Variants in TADA2A observed in about 807,000 individuals in gnomAD.
The protein encoded by TADA2A is transcriptional adapter 2-alpha.
Under a neutral mutation model 67.4 loss-of-function variants are expected in TADA2A, and 38 were observed. The ratio of observed to expected loss-of-function variants is 0.56; its 90% confidence interval spans 0.44 to 0.74. TADA2A has a LOEUF of 0.74. Among genes scored for constraint, TADA2A ranks in the 30% least tolerant of loss-of-function variants. TADA2A has a pLI of 0.00. For synonymous variants in TADA2A, 192 were observed against 181.6 expected, an observed-to-expected ratio of 1.06 and a Z score of -0.46; for missense variants, 454 against 547.0, an observed-to-expected ratio of 0.83 and a Z score of 1.70.
At chr17:37,437,666 C>A in intron 4 of TADA2A, 72 bp from the exon 5 acceptor site, 2 of 1,364,258 alleles carry the variant, frequency 1.5e-6, no homozygotes, top group Admixed American at 1.7e-5. Flanking sequence ...GGAGTATAGG[C>A]GTGAGCCACC....
intron 4 of TADA2A, among the ~76,000 whole-genome samples, chr17:37,429,811 A>G (rs2052519710): frequency 6.7e-6 from 1 of 149,908 alleles, no homozygotes; most frequent in Admixed American, 6.8e-5. Flanking sequence ...TCCTCTATCC[A>G]TCTCTAAACA....
intron 2 of TADA2A, among the ~76,000 whole-genome samples, chr17:37,421,649 G>A (rs2052234859): frequency 1.4e-5 from 2 of 144,920 alleles, no homozygotes; most frequent in South Asian, 2.3e-4. Context: ...AAAAGTACCC[G>A]GGTGTGGTGG....
intron 7 of TADA2A, among the ~76,000 whole-genome samples, chr17:37,444,240 CAG>C (rs1411195145): frequency 7.9e-6 from 1 of 126,802 alleles, no homozygotes; most frequent in Non-Finnish European, 1.6e-5. Flanking sequence ...GCCTGAGTGA[CAG>C]AGTAAGACCC....
At chr17:37,435,047 G>C (rs529335017) in intron 4 of TADA2A, among the ~76,000 whole-genome samples, 1 of 152,238 alleles carries the variant, frequency 6.6e-6, no homozygotes, top group East Asian at 1.9e-4. Flanking sequence ...GGGAGTTCGA[G>C]ACCAGCCTGA....
intron 4 of TADA2A, among the ~76,000 whole-genome samples, chr17:37,431,050 T>C (rs853223): frequency 0.23 from 35,446 of 151,166 alleles, 4,551 homozygotes; most frequent in East Asian, 0.54. Context: ...AAATCATGAC[T>C]TTTTTTTTGT....
At chr17:37,447,709 GCT>G (rs1359442900) in intron 8 of TADA2A, among the ~76,000 whole-genome samples, 1 of 152,220 alleles carries the variant, frequency 6.6e-6, no homozygotes. Context: ...TTTGTTTACA[GCT>G]CTGAGTCTTT....
chr17:37,417,323 C>T (rs995806599), intron 2 of TADA2A, among the ~76,000 whole-genome samples: 4 of 150,648 alleles, frequency 2.7e-5, no homozygotes, highest in African/African-American at 9.8e-5. Context: ...TTGCAGTGAG[C>T]TGAGATCGCG....
Position 37,414,466 on chromosome 17 carries a change from G to T in TADA2A, c.25+3076G>T, listed in dbSNP as rs144745347. On this transcript the variant is annotated intron_variant, in intron 2 of 15. Transcript: ENST00000615182. ...TCAGCCACTTCTCTGAGGAGTCCTG[G>T]TACTTTTACAAGGGAGTCATATCAG... 3.2e-4 allele frequency among the ~76,000 whole-genome samples: 48 copies of T among 152,070 alleles called. 1 individual carries two copies. The highest frequency in any genetic ancestry group is 1.2e-3 in the African/African-American group (48 of 41,492).
At chr17:37,429,115 G>A (rs1376046850) in intron 4 of TADA2A, among the ~76,000 whole-genome samples, 2 of 151,696 alleles carry the variant, frequency 1.3e-5, no homozygotes, top group East Asian at 1.9e-4. Flanking sequence ...TGTTATTCAG[G>A]CGTCTAGGGG....
In TADA2A at chr17:37,462,836, ATAAC is replaced by A. The variant is rs533065330; in HGVS notation, c.712+716_712+719del. ...CAGGTTGTAAAAATATTTTAGATAAATAACAGAAAGTGATCTTTATTTTGGATGG... is the reference window on the plus strand; with the variant it reads ...CAGGTTGTAAAAATATTTTAGATAAAAGAAAGTGATCTTTATTTTGGATGG... On this transcript the variant is annotated intron_variant, in intron 10 of 15. Transcript: ENST00000615182. Among the ~76,000 whole-genome samples the A allele has an allele frequency of 1.4e-4, 21 of 152,326 alleles. No individual in the cohort carries two copies. The East Asian group carries it at 3.9e-3, about 28-fold the overall frequency.
chr17:37,459,573 G>A (rs920122732), intron 9 of TADA2A, among the ~76,000 whole-genome samples: 2 of 145,306 alleles, frequency 1.4e-5, no homozygotes, highest in African/African-American at 2.5e-5. Flanking sequence ...GTGAGCCACC[G>A]TGTTCAACCT....
intron 1 of TADA2A, among the ~76,000 whole-genome samples, chr17:37,409,822 T>A (rs922276849): frequency 1.3e-5 from 2 of 152,078 alleles, no homozygotes; most frequent in African/African-American, 4.8e-5. Flanking sequence ...GAAGGATTAT[T>A]TTTTGACTTA....
chr17:37,471,023 G>A (rs143811165), intron 13 of TADA2A, 71 bp from the exon 14 acceptor site: 4 of 1,522,062 alleles, frequency 2.6e-6, no homozygotes, highest in Non-Finnish European at 3.6e-6. Flanking sequence ...ATGGCACCCA[G>A]TCTCACCGGG....
At chr17:37,432,969 T>G (rs2052616581) in intron 4 of TADA2A, among the ~76,000 whole-genome samples, 1 of 150,334 alleles carries the variant, frequency 6.7e-6, no homozygotes, top group Admixed American at 6.6e-5. Flanking sequence ...TGCAGTTTGT[T>G]TAATTCAGAT....
In TADA2A at chr17:37,441,582, T is replaced by C. The variant is rs112909340; in HGVS notation, c.442+920T>C. On this transcript the variant is annotated intron_variant, in intron 6 of 15. Transcript: ENST00000615182. ...CTCTCAGGGTACAAGTAATGAGATATGAATGTTTTCACTTCCCTTTTCTCT... is the reference window on the plus strand; with the variant it reads ...CTCTCAGGGTACAAGTAATGAGATACGAATGTTTTCACTTCCCTTTTCTCT... 5.9e-3 allele frequency among the ~76,000 whole-genome samples: 901 copies of C among 152,262 alleles called. 5 individuals are homozygous for C. Among genetic ancestry groups the C allele is most frequent in the African/African-American group, 0.019 (769 of 41,532 alleles).
intron 5 of TADA2A, among the ~76,000 whole-genome samples, chr17:37,439,001 A>G (rs1290351073): frequency 1.3e-5 from 2 of 152,220 alleles, no homozygotes; most frequent in African/African-American, 2.4e-5. Flanking sequence ...GAAGTACACA[A>G]AACAGCACAG....
chr17:37,470,339 T>C, intron 12 of TADA2A, 61 bp from the exon 13 acceptor site: 2 of 1,600,582 alleles, frequency 1.2e-6, no homozygotes, highest in East Asian at 2.3e-5. Context: ...CTTGGTCAGT[T>C]AGGAAGCCCT....
intron 7 of TADA2A, 102 bp from the exon 8 acceptor site, chr17:37,444,590 CTGTT>C: frequency 1.1e-6 from 1 of 930,514 alleles, no homozygotes; most frequent in Non-Finnish European, 1.7e-6. Flanking sequence ...TTTTAAACAA[CTGTT>C]TGCTTGTGTT....
Position 37,458,634 on chromosome 17 carries a change from G to GTTTT in TADA2A, c.668+48_668+51dup, listed in dbSNP as rs145733561. 2.9e-4 allele frequency: 370 copies of GTTTT among 1,267,338 alleles called. 2 individuals carry two copies. The highest frequency in any genetic ancestry group is 1.4e-3 in the Admixed American group (71 of 52,342). 78.5% of individuals were successfully genotyped at this position (1,267,338 alleles called of 1,614,324 possible). ...GGCCTCCTTTCAGCTTTGGATTATT[G>GTTTT]TTTTGTGTGTGTGTGTGTGTGTGTG... On this transcript the variant is annotated intron_variant, in intron 9 of 15. Coordinates refer to ENST00000615182, the MANE Select transcript of TADA2A (RefSeq NM_001166105.3).
Sources: allele counts gnomAD v4.1 joint callset (sites outside exome capture counted in the v4.1 genomes callset), GRCh38; gene constraint gnomAD v4.1.1; transcripts MANE v1.5; gene names NCBI Gene and HGNC (gene_info 2026-07-23, HGNC 2026-07-21).